The following RBFOX1 variants were observed in gnomAD, a reference collection of about 807,000 sequenced individuals.
RBFOX1 encodes the protein RNA binding fox-1 homolog 1.
In RBFOX1, 8 loss-of-function variants were observed where a neutral mutation model predicts 57.7. The ratio of observed to expected loss-of-function variants is 0.14; its 90% confidence interval spans 0.08 to 0.25. The LOEUF is 0.25. Among genes scored for constraint, RBFOX1 ranks in the 10% least tolerant of loss-of-function variants. RBFOX1 has a pLI of 1.00. For missense variants in RBFOX1, 611 were observed against 548.5 expected, an observed-to-expected ratio of 1.11 and a Z score of -1.14; for synonymous variants, 326 against 222.4, an observed-to-expected ratio of 1.47 and a Z score of -4.15.
At chr16:5,834,719 A>ATAGATAGT (rs2056399152) in intron 3 of RBFOX1, among the ~76,000 whole-genome samples, 1 of 112,234 alleles carries the variant, frequency 8.9e-6, no homozygotes, top group Non-Finnish European at 1.7e-5. Flanking sequence ...AGATAGATAC[A>ATAGATAGT]TAGATACATA....
intron 4 of RBFOX1, among the ~76,000 whole-genome samples, chr16:7,208,544 A>T (rs945583921): frequency 6.6e-6 from 1 of 152,090 alleles, no homozygotes. Context: ...CTTTTTCACA[A>T]CCTGTTCTCT....
At chr16:6,857,459 C>T (rs1352502078) in intron 3 of RBFOX1, among the ~76,000 whole-genome samples, 1 of 152,182 alleles carries the variant, frequency 6.6e-6, no homozygotes, top group African/African-American at 2.4e-5. Flanking sequence ...TTTCTATTTA[C>T]ATGGTTTATT....
chr16:6,586,926 T>C (rs1458429877), intron 2 of RBFOX1, among the ~76,000 whole-genome samples: 1 of 152,178 alleles, frequency 6.6e-6, no homozygotes, highest in Non-Finnish European at 1.5e-5. Flanking sequence ...TAAAACAGGA[T>C]GTTTTGAAAT....
At chr16:6,226,957 A>AG (rs2097422726) in intron 1 of RBFOX1, among the ~76,000 whole-genome samples, 1 of 151,406 alleles carries the variant, frequency 6.6e-6, no homozygotes, top group East Asian at 1.9e-4. Context: ...AAAAAAAAAA[A>AG]AAAAAAAAAT....
chr16:5,469,854 A>C (rs996030752), intron 2 of RBFOX1, among the ~76,000 whole-genome samples: 2 of 152,232 alleles, frequency 1.3e-5, no homozygotes, highest in African/African-American at 4.8e-5. Context: ...TGGCTGAATA[A>C]TATTCCATTG....
At chr16:6,386,471 G>A (rs1275247549) in intron 2 of RBFOX1, among the ~76,000 whole-genome samples, 1 of 152,134 alleles carries the variant, frequency 6.6e-6, no homozygotes, top group Non-Finnish European at 1.5e-5. Context: ...TTACTGAATA[G>A]CTAATTAACC....
intron 3 of RBFOX1, among the ~76,000 whole-genome samples, chr16:6,992,982 A>G (rs1290703822): frequency 6.6e-6 from 1 of 152,152 alleles, no homozygotes; most frequent in Non-Finnish European, 1.5e-5. Context: ...TTTAAACATA[A>G]AGCCGAGAGC....
rs148306268 is a variant in RBFOX1, at chr16:6,942,620, A to C, written c.-15-109437A>C. On this transcript the variant is annotated intron_variant, in intron 3 of 15. Coordinates refer to ENST00000550418, the MANE Select transcript of RBFOX1 (RefSeq NM_018723.4). ...CAAGACAGAGTGGACTTTTCAGTGC[A>C]GGAGACGGTGCTAGGCAGAGTTGAG... Among the ~76,000 whole-genome samples, 468 of 152,320 alleles carry C rather than the reference A, an allele frequency of 3.1e-3. 8 individuals are homozygous for C. The highest frequency in any genetic ancestry group is 0.025 in the Admixed American group (383 of 15,296).
At chr16:7,677,636 A>T (rs1024964296) in intron 14 of RBFOX1, among the ~76,000 whole-genome samples, 8 of 152,182 alleles carry the variant, frequency 5.3e-5, no homozygotes, top group Non-Finnish European at 5.9e-5. Context: ...GTGTGTTTTC[A>T]TATTGAATGC....
chr16:7,263,513 G>A (rs1422046886), intron 4 of RBFOX1, among the ~76,000 whole-genome samples: 3 of 152,130 alleles, frequency 2.0e-5, no homozygotes, highest in Non-Finnish European at 4.4e-5. Flanking sequence ...AGTACCTACA[G>A]TATTGTAGTT....
rs2065766938 is a variant in RBFOX1 at position 6,892,729 on chromosome 16, G to C, written c.-15-159328G>C. On this transcript the variant is annotated intron_variant, in intron 3 of 15. Coordinates refer to ENST00000550418, the MANE Select transcript of RBFOX1 (RefSeq NM_018723.4). ...AGTGCTATTTGTAGGGGTTTGTTAGGAAGCAGAAGTATCAGAAATGCATAT... is the reference window on the plus strand; with the variant it reads ...AGTGCTATTTGTAGGGGTTTGTTAGCAAGCAGAAGTATCAGAAATGCATAT... Among the ~76,000 whole-genome samples, 4 of 148,540 alleles carry C rather than the reference G, an allele frequency of 2.7e-5. No individual in the cohort carries two copies. The South Asian group carries it at 8.5e-4, about 32-fold the overall frequency.
At chr16:7,578,584 T>G (rs1345262433) in intron 5 of RBFOX1, among the ~76,000 whole-genome samples, 2 of 152,226 alleles carry the variant, frequency 1.3e-5, no homozygotes, top group Non-Finnish European at 2.9e-5. Flanking sequence ...CGGTCGTTAT[T>G]ATTTTACACC....
chr16:6,724,959 C>G (rs963914448), intron 3 of RBFOX1, among the ~76,000 whole-genome samples: 1 of 151,026 alleles, frequency 6.6e-6, no homozygotes, highest in Non-Finnish European at 1.5e-5. Flanking sequence ...TGTCTTTTGG[C>G]ATGCAAATGC....
chr16:6,214,418 G>A (rs112252447), intron 1 of RBFOX1, among the ~76,000 whole-genome samples: 1,676 of 146,654 alleles, frequency 0.011, 19 homozygotes, highest in Non-Finnish European at 0.018. Flanking sequence ...AGGGAGTGGG[G>A]AGAGGGAGAG....
chr16:5,440,408 A>G (rs1437746699), intron 1 of RBFOX1, among the ~76,000 whole-genome samples: 1 of 152,216 alleles, frequency 6.6e-6, no homozygotes, highest in African/African-American at 2.4e-5. Flanking sequence ...GCTATGGGTT[A>G]TCTTTTGTTT....
intron 3 of RBFOX1, among the ~76,000 whole-genome samples, chr16:6,912,542 T>A (rs1401067273): frequency 6.6e-6 from 1 of 152,152 alleles, no homozygotes; most frequent in Admixed American, 6.6e-5. Context: ...GAGATTTAGG[T>A]TTAAATTCTT....
chr16:6,966,176 C>A lies in RBFOX1; in HGVS notation c.-15-85881C>A, dbSNP rs564804568. On this transcript the variant is annotated intron_variant, in intron 3 of 15. Transcript: ENST00000550418. ...GAGACATTTACGCTCTTGCCAGAGG[C>A]TTCCTATCTCTCTGAGCCAGCTGCC... 4.0e-3 allele frequency among the ~76,000 whole-genome samples: 610 copies of A among 152,224 alleles called. 5 individuals are homozygous for A. Among genetic ancestry groups the A allele is most frequent in the Middle Eastern group, 0.01 (3 of 294 alleles).
At chr16:6,371,493 C>T (rs2090426528) in intron 2 of RBFOX1, among the ~76,000 whole-genome samples, 1 of 151,976 alleles carries the variant, frequency 6.6e-6, no homozygotes, top group Admixed American at 6.6e-5. Context: ...CACTGGGAGC[C>T]CCTTCAAGCT....
chr16:7,258,843 AC>A (rs1271703972), intron 4 of RBFOX1, among the ~76,000 whole-genome samples: 1 of 152,110 alleles, frequency 6.6e-6, no homozygotes, highest in Non-Finnish European at 1.5e-5. Flanking sequence ...CAAGTAAGAG[AC>A]CCTGATTTAA....
Sources: gnomAD v4.1 joint callset for allele counts (sites outside exome capture counted in the v4.1 genomes callset) on GRCh38, gnomAD v4.1.1 for gene constraint, MANE v1.5 for transcripts, NCBI Gene and HGNC (gene_info 2026-07-23, HGNC 2026-07-21) for gene names.